The following SIPA1L2 variants were observed in gnomAD, a reference collection of about 807,000 sequenced individuals.
SIPA1L2 encodes signal induced proliferation associated 1 like 2, also known as signal-induced proliferation-associated 1-like protein 2.
In SIPA1L2, 56 loss-of-function variants were observed where a neutral mutation model predicts 163.9. That is an observed-to-expected ratio of 0.34 (90% CI 0.28 to 0.43). SIPA1L2 has a LOEUF of 0.43. Ranked by LOEUF, SIPA1L2 falls within the 20% of genes least tolerant of loss-of-function variation. The pLI is 1.00. For synonymous variants in SIPA1L2, 877 were observed against 865.7 expected (o/e 1.01, Z -0.23); for missense variants, 1,974 against 2,193.5 (o/e 0.90, Z 2.00).
At chr1:232,629,318 G>C (rs1369223209) in intron 1 of SIPA1L2, among the ~76,000 whole-genome samples, 1 of 152,232 alleles carries the variant, frequency 6.6e-6, no homozygotes, top group Non-Finnish European at 1.5e-5. Flanking sequence ...AGAGGCCCAG[G>C]AGCTGGCAAA....
At chr1:232,492,723 A>G (rs939937933) in intron 4 of SIPA1L2, among the ~76,000 whole-genome samples, 1 of 152,052 alleles carries the variant, frequency 6.6e-6, no homozygotes, top group African/African-American at 2.4e-5. Flanking sequence ...AATTTCTCCC[A>G]TTTGGAACAG....
intron 2 of SIPA1L2, among the ~76,000 whole-genome samples, chr1:232,569,241 T>C (rs1659579344): frequency 1.3e-5 from 2 of 152,170 alleles, no homozygotes; most frequent in South Asian, 2.1e-4. Flanking sequence ...CATTCAGATA[T>C]AAGCAGCAAA....
intron 22 of SIPA1L2, among the ~76,000 whole-genome samples, chr1:232,399,850 T>C (rs947130962): frequency 3.3e-5 from 5 of 151,884 alleles, no homozygotes; most frequent in East Asian, 1.9e-4. Context: ...CAGTTTCAGT[T>C]CCCCCCCTGC....
chr1:232,572,032 T>G (rs1659760573), intron 2 of SIPA1L2, among the ~76,000 whole-genome samples: 1 of 152,212 alleles, frequency 6.6e-6, no homozygotes. Flanking sequence ...AGAACTGCAC[T>G]CATCAGATTA....
chr1:232,403,462 G>T lies in SIPA1L2; in HGVS notation c.4926C>A (p.Phe1642Leu), dbSNP rs555257442. 11 of 1,593,984 alleles carry T rather than the reference G, an allele frequency of 6.9e-6. No homozygotes were observed. In the African/African-American group the frequency reaches 1.4e-4, roughly 21 times the overall value. Residue 1642 changes from phenylalanine (F) to leucine (L), a missense_variant, in exon 21 of 23, where the codon TTC (phenylalanine) becomes TTA (leucine). By Grantham distance (22) the Phe-to-Leu change is conservative (BLOSUM62 0). This residue lies in a region of SIPA1L2 where 1,079 missense variants were observed against 1,150.7 expected (regional missense o/e 0.94). Coordinates refer to ENST00000674635, the MANE Select transcript of SIPA1L2 (RefSeq NM_020808.5). The stretch of plus-strand genomic sequence containing the variant: ...GGCTCACATACCCAGTTGTGTCCAT[G>T]AACTCTTTGCCACTGCCTGGATCTA... ...LCVDPGSGKE[F>L]MDTTGERSPS...
intron 1 of SIPA1L2, among the ~76,000 whole-genome samples, chr1:232,612,659 AT>A (rs1305113305): frequency 1.3e-5 from 2 of 152,138 alleles, no homozygotes; most frequent in Admixed American, 1.3e-4. Context: ...TCATACCTAT[AT>A]CCCCATTGTA....
At chr1:232,420,897 C>T (rs1661539440) in intron 18 of SIPA1L2, among the ~76,000 whole-genome samples, 1 of 152,182 alleles carries the variant, frequency 6.6e-6, no homozygotes, top group African/African-American at 2.4e-5. Flanking sequence ...CATTTGCAGG[C>T]TCCCCACACG....
chr1:232,575,056 T>A lies in SIPA1L2; in HGVS notation c.-318-834A>T, dbSNP rs183659067. ...ATCATGCTTTCAACACATCATTTTT[T>A]AAAATAATCAACGTAAGAATTTCTG... On this transcript the variant is annotated intron_variant, in intron 1 of 22. Coordinates refer to ENST00000674635, the MANE Select transcript of SIPA1L2 (RefSeq NM_020808.5). Among the ~76,000 whole-genome samples the A allele has an allele frequency of 1.9e-3, 296 of 152,338 alleles. 1 individual carries two copies. The highest frequency in any genetic ancestry group is 6.8e-3 in the Middle Eastern group (2 of 294).
At chr1:232,480,030 G>C (rs754523001) in intron 6 of SIPA1L2, among the ~76,000 whole-genome samples, 8 of 152,044 alleles carry the variant, frequency 5.3e-5, no homozygotes, top group Non-Finnish European at 1.2e-4. Flanking sequence ...TGAAAGCGAA[G>C]TGTTTTTGCC....
At chr1:232,580,445 C>A (rs976322184) in intron 1 of SIPA1L2, among the ~76,000 whole-genome samples, 4 of 152,168 alleles carry the variant, frequency 2.6e-5, no homozygotes, top group Non-Finnish European at 5.9e-5. Flanking sequence ...GGGAAAGCAG[C>A]CCAGTAGGTG....
intron 5 of SIPA1L2, 34 bp downstream of exon 5, chr1:232,490,840 C>G (rs766695789): frequency 2.6e-6 from 4 of 1,533,980 alleles, no homozygotes; most frequent in South Asian, 1.3e-5. Flanking sequence ...GACACAAATT[C>G]ACACACAAAC....
intron 2 of SIPA1L2, among the ~76,000 whole-genome samples, chr1:232,560,553 A>G (rs1658969880): frequency 6.6e-6 from 1 of 152,202 alleles, no homozygotes; most frequent in African/African-American, 2.4e-5. Context: ...CCTCATGGGA[A>G]GGAAAATGCT....
intron 2 of SIPA1L2, among the ~76,000 whole-genome samples, chr1:232,547,766 T>C (rs3855980): frequency 0.27 from 40,763 of 152,080 alleles, 5,790 homozygotes; most frequent in East Asian, 0.43. Context: ...GCCAACGTTA[T>C]CTCACTTCCA....
Position 232,464,912 on chromosome 1 carries a change from TCTTTCGTAAA to T in SIPA1L2, c.2738_2747del (p.Phe913Ter). On this transcript the variant is annotated frameshift_variant, in exon 9 of 23. Coordinates refer to ENST00000674635, the MANE Select transcript of SIPA1L2 (RefSeq NM_020808.5). LOFTEE classifies it high-confidence loss of function. ...CCGAGGACAGGAGGACACATTCTCC[TCTTTCGTAAA>T]ACACTTTGATACTCACTAATCCAGA... 1 of 1,614,232 alleles carries T rather than the reference TCTTTCGTAAA, an allele frequency of 6.2e-7. No homozygotes were observed. The highest frequency in any genetic ancestry group is 8.5e-7 in the Non-Finnish European group (1 of 1,180,040).
chr1:232,567,266 T>C (rs898142371), intron 2 of SIPA1L2, among the ~76,000 whole-genome samples: 8 of 152,162 alleles, frequency 5.3e-5, no homozygotes, highest in African/African-American at 1.9e-4. Context: ...TAGTGAACAG[T>C]AAGCAAATAA....
At chr1:232,476,111 T>A (rs1443548801) in intron 7 of SIPA1L2, among the ~76,000 whole-genome samples, 9 of 152,088 alleles carry the variant, frequency 5.9e-5, no homozygotes, top group East Asian at 5.8e-4. Flanking sequence ...TTTACATGAG[T>A]CCTTAGCAAC....
chr1:232,501,056 T>A (rs2103016885), intron 3 of SIPA1L2, among the ~76,000 whole-genome samples: 2 of 121,130 alleles, frequency 1.7e-5, no homozygotes, highest in African/African-American at 6.2e-5. Context: ...AAGTATTTTT[T>A]TTTTTTTTTT....
intron 20 of SIPA1L2, 94 bp from the exon 21 acceptor site, chr1:232,403,665 T>C (rs1300161730): frequency 1.4e-6 from 2 of 1,455,240 alleles, no homozygotes; most frequent in Non-Finnish European, 1.8e-6. Flanking sequence ...ATAAAATCTT[T>C]TCCCCCCTTC....
rs560779000 is a variant in SIPA1L2 at position 232,580,396 on chromosome 1, C to G, written c.-318-6174G>C. ...TTTGTGACCTATATCTTGCGCTGAC[C>G]TCCTGTCTCATCCTGTGACTAAGAA... On this transcript the variant is annotated intron_variant, in intron 1 of 22. Coordinates refer to ENST00000674635, the MANE Select transcript of SIPA1L2 (RefSeq NM_020808.5). Among the ~76,000 whole-genome samples, 7 of 152,278 alleles carry G rather than the reference C, an allele frequency of 4.6e-5. No individual in the cohort carries two copies. In the South Asian group the frequency reaches 1.4e-3, roughly 32 times the overall value.
Sources: allele counts gnomAD v4.1 joint callset (sites outside exome capture counted in the v4.1 genomes callset), GRCh38; gene constraint gnomAD v4.1.1; regional missense constraint gnomAD v4.1.1; transcripts MANE v1.5; gene names NCBI Gene and HGNC (gene_info 2026-07-23, HGNC 2026-07-21).